Variants in CPA6 observed in about 807,000 individuals in gnomAD.
CPA6 encodes the protein carboxypeptidase A6, also known as carboxypeptidase B.
A neutral mutation model predicts 63.3 loss-of-function variants in CPA6; 58 were observed. The observed-to-expected ratio is 0.92, with a 90% CI of 0.74 to 1.14. The LOEUF (loss-of-function observed/expected upper bound fraction) is 1.14, where lower values mean the gene tolerates loss of function less well. CPA6 is among the 50% of genes most tolerant of loss of function. CPA6 has a pLI of 0.00. For missense variants in CPA6, 565 were observed against 526.6 expected (o/e 1.07, Z -0.71); for synonymous variants, 185 against 179.0 (o/e 1.03, Z -0.27).
chr8:67,573,753 A>T (rs1174373376), intron 2 of CPA6, among the ~76,000 whole-genome samples: 2 of 151,604 alleles, frequency 1.3e-5, no homozygotes, highest in Non-Finnish European at 2.9e-5. Context: ...TTAGCCAGGC[A>T]TGGTGGTGGG....
At chr8:67,673,498 C>A (rs1049732375) in intron 1 of CPA6, among the ~76,000 whole-genome samples, 1 of 150,864 alleles carries the variant, frequency 6.6e-6, no homozygotes, top group Non-Finnish European at 1.5e-5. Context: ...GTTCTCCTGC[C>A]TCAGCCTCCT....
chr8:67,439,861 A>C (rs1431015269), intron 8 of CPA6, among the ~76,000 whole-genome samples: 1 of 152,166 alleles, frequency 6.6e-6, no homozygotes, highest in East Asian at 1.9e-4. Flanking sequence ...CCTGAGCTCA[A>C]GCAATCCTTC....
At chr8:67,533,943 T>C (rs549742046) in intron 2 of CPA6, among the ~76,000 whole-genome samples, 1 of 152,258 alleles carries the variant, frequency 6.6e-6, no homozygotes, top group South Asian at 2.1e-4. Context: ...CAAGCCACAG[T>C]AGGAAAATGA....
intron 1 of CPA6, among the ~76,000 whole-genome samples, chr8:67,646,207 G>A (rs1470812213): frequency 6.6e-6 from 1 of 152,202 alleles, no homozygotes; most frequent in Non-Finnish European, 1.5e-5. Context: ...CAGCACTCCA[G>A]TTTCTAGGAG....
At chr8:67,435,377 C>A (rs541203135) in intron 8 of CPA6, among the ~76,000 whole-genome samples, 1 of 152,026 alleles carries the variant, frequency 6.6e-6, no homozygotes, top group African/African-American at 2.4e-5. Context: ...ATCCCTCCCC[C>A]CAGCGCAGGG....
intron 2 of CPA6, among the ~76,000 whole-genome samples, chr8:67,542,723 G>A (rs73692112): frequency 1.4e-3 from 207 of 152,270 alleles, no homozygotes; most frequent in African/African-American, 4.7e-3. Context: ...CTGAACATAA[G>A]ATGTACTGAT....
intron 2 of CPA6, among the ~76,000 whole-genome samples, chr8:67,616,018 G>T (rs1287538268): frequency 6.6e-6 from 1 of 152,170 alleles, no homozygotes; most frequent in Non-Finnish European, 1.5e-5. Flanking sequence ...TAGGCAGGGA[G>T]GTGCAATTTT....
chr8:67,536,681 C>G (rs1296632849), intron 2 of CPA6, among the ~76,000 whole-genome samples: 1 of 152,070 alleles, frequency 6.6e-6, no homozygotes, highest in Admixed American at 6.6e-5. Flanking sequence ...ATTTGAATAC[C>G]ATTTATTTCT....
intron 1 of CPA6, among the ~76,000 whole-genome samples, chr8:67,634,899 C>A (rs1036792732): frequency 2.0e-5 from 3 of 151,024 alleles, no homozygotes; most frequent in Non-Finnish European, 4.4e-5. Flanking sequence ...TCTTCTAGTT[C>A]TTTTTTTAGA....
At chr8:67,543,338 C>A (rs1203253479) in intron 2 of CPA6, among the ~76,000 whole-genome samples, 1 of 152,250 alleles carries the variant, frequency 6.6e-6, no homozygotes, top group Non-Finnish European at 1.5e-5. Context: ...GAATCACTAA[C>A]CCTTGCTTTG....
chr8:67,475,985 T>G (rs1811226901), intron 8 of CPA6, among the ~76,000 whole-genome samples: 1 of 143,820 alleles, frequency 7.0e-6, no homozygotes. Flanking sequence ...TTTCTTTCTC[T>G]CCCCTTCCTT....
At chr8:67,729,632 G>C (rs771174923) in intron 1 of CPA6, among the ~76,000 whole-genome samples, 1 of 152,228 alleles carries the variant, frequency 6.6e-6, no homozygotes, top group Non-Finnish European at 1.5e-5. Context: ...AGGAAGTTAA[G>C]TGATGTTCTG....
intron 8 of CPA6, among the ~76,000 whole-genome samples, chr8:67,447,115 C>T (rs999189513): frequency 1.3e-5 from 2 of 151,134 alleles, no homozygotes; most frequent in East Asian, 1.9e-4. Flanking sequence ...CATATATATA[C>T]ACACACACAC....
intron 1 of CPA6, among the ~76,000 whole-genome samples, chr8:67,711,795 C>T (rs1817268057): frequency 6.6e-6 from 1 of 151,830 alleles, no homozygotes; most frequent in South Asian, 2.1e-4. Flanking sequence ...TAATCACGAG[C>T]CATTCAGCAT....
intron 3 of CPA6, among the ~76,000 whole-genome samples, 189 bp downstream of exon 3, chr8:67,517,734 C>T (rs767419092): frequency 6.6e-6 from 1 of 152,224 alleles, no homozygotes; most frequent in Non-Finnish European, 1.5e-5. Context: ...GAAAGGTCCA[C>T]ATCGTTGCTC....
chr8:67,612,939 T>G (rs1369151490), intron 2 of CPA6, among the ~76,000 whole-genome samples: 1 of 152,220 alleles, frequency 6.6e-6, no homozygotes, highest in Non-Finnish European at 1.5e-5. Context: ...GCACCTGAGC[T>G]CTGACTTTCA....
At chr8:67,470,663 GATA>G (rs1563965243) in intron 8 of CPA6, among the ~76,000 whole-genome samples, 2 of 151,954 alleles carry the variant, frequency 1.3e-5, no homozygotes, top group African/African-American at 4.8e-5. Context: ...ATATAAAAAC[GATA>G]ATAAACCATT....
At chr8:67,574,399 T>C (rs1341521581) in intron 2 of CPA6, among the ~76,000 whole-genome samples, 4 of 137,866 alleles carry the variant, frequency 2.9e-5, no homozygotes, top group African/African-American at 1.1e-4. Flanking sequence ...AAAAAGCAAA[T>C]TGAACCACAA....
intron 5 of CPA6, among the ~76,000 whole-genome samples, chr8:67,507,749 G>A (rs1811959950): frequency 6.6e-6 from 1 of 152,152 alleles, no homozygotes; most frequent in African/African-American, 2.4e-5. Flanking sequence ...AGAGTGTTAT[G>A]TTGAATTTTC....
Sources: allele counts gnomAD v4.1 joint callset (sites outside exome capture counted in the v4.1 genomes callset), GRCh38; gene constraint gnomAD v4.1.1; transcripts MANE v1.5; gene names NCBI Gene and HGNC (gene_info 2026-07-23, HGNC 2026-07-21).